Variants in PRKCQ observed in about 807,000 individuals in gnomAD.
PRKCQ encodes the protein protein kinase C theta type.
A neutral mutation model predicts 91.2 loss-of-function variants in PRKCQ; 41 were observed. That is an observed-to-expected ratio of 0.45 (90% CI 0.35 to 0.58). The LOEUF (loss-of-function observed/expected upper bound fraction) is 0.58, where lower values mean the gene tolerates loss of function less well. PRKCQ is among the 20% of genes least tolerant of loss of function. PRKCQ has a pLI of 0.00. For synonymous variants in PRKCQ, 307 were observed against 316.9 expected, an observed-to-expected ratio of 0.97 and a Z score of 0.33; for missense variants, 673 against 896.5, an observed-to-expected ratio of 0.75 and a Z score of 3.18.
At chr10:6,437,211 C>T (rs901244757) in intron 16 of PRKCQ, among the ~76,000 whole-genome samples, 1 of 152,162 alleles carries the variant, frequency 6.6e-6, no homozygotes, top group Non-Finnish European at 1.5e-5. Context: ...ATGCCCTAAC[C>T]CACAATGTAA....
intron 1 of PRKCQ, among the ~76,000 whole-genome samples, chr10:6,546,700 T>C (rs1051139704): frequency 2.0e-5 from 3 of 152,164 alleles, no homozygotes; most frequent in African/African-American, 7.2e-5. Flanking sequence ...GACTTCCTCT[T>C]TTCCTAATTG....
At chr10:6,566,310 G>A (rs1840834894) in intron 1 of PRKCQ, among the ~76,000 whole-genome samples, 2 of 151,926 alleles carry the variant, frequency 1.3e-5, no homozygotes, top group African/African-American at 4.8e-5. Context: ...TGGCTGTTCT[G>A]CAGTGGTTAT....
intron 4 of PRKCQ, among the ~76,000 whole-genome samples, chr10:6,503,775 A>G (rs1344612430): frequency 6.6e-6 from 1 of 151,880 alleles, no homozygotes; most frequent in African/African-American, 2.4e-5. Flanking sequence ...TTAAGGATTA[A>G]TTATTATTAT....
chr10:6,485,404 C>T (rs565435403), intron 9 of PRKCQ, 135 bp from the exon 10 acceptor site: 27 of 711,782 alleles, frequency 3.8e-5, no homozygotes, highest in Admixed American at 1.8e-4. Flanking sequence ...TTATCCTCAA[C>T]GTTCTTTTGG....
the PRKCQ span, among the ~76,000 whole-genome samples, chr10:6,417,530 T>C: frequency 2.6e-5 from 4 of 152,214 alleles, no homozygotes; most frequent in Non-Finnish European, 4.4e-5. Context: ...ACTGTTCTGA[T>C]GTTCGGAATG....
chr10:6,464,349 A>G lies in PRKCQ; in HGVS notation c.1409T>C (p.Ile470Thr). The G allele has an allele frequency of 6.2e-7, 1 of 1,613,932 alleles. No homozygotes were observed. The highest frequency in any genetic ancestry group is 8.5e-7 in the Non-Finnish European group (1 of 1,179,952). ...YLNGGDLMYH[I>T]QSCHKFDLSR... is the part of the protein sequence containing the mutation. ...AAGGTCGAACTTGTGGCAGCTTTGG[A>G]TGTGGTACATTAAGTCCCCTCCGTT... Residue 470 changes from isoleucine to threonine, a missense_variant, in exon 13 of 18, where the codon ATC becomes ACC. Physicochemically the swap from Ile to Thr is moderately conservative, Grantham distance 89. Coordinates refer to ENST00000263125, the MANE Select transcript of PRKCQ (RefSeq NM_006257.5).
At chr10:6,478,843 A>G (rs1836415263) in intron 12 of PRKCQ, 149 bp downstream of exon 12, 3 of 803,582 alleles carry the variant, frequency 3.7e-6, no homozygotes, top group Non-Finnish European at 5.9e-6. Flanking sequence ...CATGGTGTGT[A>G]GAAGGGATGT....
intron 11 of PRKCQ, 27 bp from the exon 12 acceptor site, chr10:6,479,192 T>C (rs749656691): frequency 1.2e-5 from 20 of 1,607,704 alleles, no homozygotes; most frequent in Non-Finnish European, 1.6e-5. Context: ...GAAGTAACTT[T>C]ATTTTAGAAT....
At chr10:6,531,736 C>T (rs1251669680) in intron 1 of PRKCQ, among the ~76,000 whole-genome samples, 2 of 152,044 alleles carry the variant, frequency 1.3e-5, no homozygotes, top group African/African-American at 4.8e-5. Flanking sequence ...TAATAAGCAT[C>T]TTTGGAATAA....
chr10:6,523,859 C>T (rs977125247), intron 1 of PRKCQ, among the ~76,000 whole-genome samples: 3 of 152,124 alleles, frequency 2.0e-5, no homozygotes, highest in Non-Finnish European at 2.9e-5. Flanking sequence ...TAAAAGCCTC[C>T]GTGTATTGAG....
chr10:6,526,447 TGAAA>T (rs1839200022), intron 1 of PRKCQ, among the ~76,000 whole-genome samples: 1 of 151,254 alleles, frequency 6.6e-6, no homozygotes, highest in Non-Finnish European at 1.5e-5. Context: ...GTGACTCCCA[TGAAA>T]CAAACTAAGC....
At chr10:6,512,485 T>C (rs1838530121) in intron 2 of PRKCQ, among the ~76,000 whole-genome samples, 1 of 152,270 alleles carries the variant, frequency 6.6e-6, no homozygotes, top group African/African-American at 2.4e-5. Flanking sequence ...TAAGAAGTTT[T>C]TTCTTGTCTT....
At chr10:6,528,807 A>G (rs1410773355) in intron 1 of PRKCQ, among the ~76,000 whole-genome samples, 1 of 152,210 alleles carries the variant, frequency 6.6e-6, no homozygotes, top group Non-Finnish European at 1.5e-5. Flanking sequence ...TTCGCTGTAG[A>G]CTGTTTCTGT....
At chr10:6,578,949 C>G (rs1256449431) in intron 1 of PRKCQ, among the ~76,000 whole-genome samples, 1 of 152,182 alleles carries the variant, frequency 6.6e-6, no homozygotes, top group African/African-American at 2.4e-5. Context: ...GTCTATCACA[C>G]AGCCTCGGGC....
chr10:6,395,862 A>G, the PRKCQ span, among the ~76,000 whole-genome samples: 1 of 152,042 alleles, frequency 6.6e-6, no homozygotes, highest in Non-Finnish European at 1.5e-5. Flanking sequence ...TGTACTGAGT[A>G]TATTTTTCAG....
the PRKCQ span, among the ~76,000 whole-genome samples, chr10:6,405,104 C>G: frequency 6.6e-6 from 1 of 152,034 alleles, no homozygotes; most frequent in Non-Finnish European, 1.5e-5. Flanking sequence ...ACCTCAGCCT[C>G]CCAGATAGCT....
At chr10:6,438,346 A>T (rs977963625) in intron 16 of PRKCQ, among the ~76,000 whole-genome samples, 27 of 152,260 alleles carry the variant, frequency 1.8e-4, no homozygotes, top group African/African-American at 5.5e-4. Flanking sequence ...AAAGCAAAAA[A>T]GTAGATTAGT....
chr10:6,438,665 G>T (rs1317246061), intron 16 of PRKCQ, among the ~76,000 whole-genome samples: 8 of 151,986 alleles, frequency 5.3e-5, no homozygotes, highest in African/African-American at 1.5e-4. Context: ...GTGTGATCAT[G>T]GCTCATTGTA....
intron 1 of PRKCQ, among the ~76,000 whole-genome samples, chr10:6,525,326 C>T (rs920527111): frequency 1.2e-4 from 18 of 151,976 alleles, no homozygotes; most frequent in Non-Finnish European, 4.4e-5. Context: ...GCCTGTAATC[C>T]CAGAATTTTG....
Sources: allele counts gnomAD v4.1 joint callset (sites outside exome capture counted in the v4.1 genomes callset), GRCh38; gene constraint gnomAD v4.1.1; transcripts MANE v1.5; gene names NCBI Gene and HGNC (gene_info 2026-07-23, HGNC 2026-07-21).